The following SYT1 variants were observed in gnomAD, a reference collection of about 807,000 sequenced individuals.
SYT1 encodes synaptotagmin-1.
In SYT1, 8 loss-of-function variants were observed where a neutral mutation model predicts 44.8. The observed-to-expected ratio is 0.18, with a 90% CI of 0.10 to 0.32. The LOEUF (loss-of-function observed/expected upper bound fraction) is 0.32, where lower values mean the gene tolerates loss of function less well. SYT1 is among the 10% of genes least tolerant of loss of function. The pLI is 1.00. For synonymous variants in SYT1, 154 were observed against 188.8 expected, an observed-to-expected ratio of 0.82 and a Z score of 1.51; for missense variants, 286 against 509.3, an observed-to-expected ratio of 0.56 and a Z score of 4.22.
intron 2 of SYT1, among the ~76,000 whole-genome samples, chr12:79,026,672 TA>T (rs1565769657): frequency 4.0e-5 from 3 of 74,294 alleles, no homozygotes; most frequent in African/African-American, 9.9e-5. Context: ...ATATTTTATA[TA>T]TATATATATA....
intron 3 of SYT1, among the ~76,000 whole-genome samples, chr12:79,054,544 A>G (rs553051553): frequency 6.6e-6 from 1 of 151,994 alleles, no homozygotes; most frequent in Admixed American, 6.6e-5. Context: ...TTAGATTTTT[A>G]TACATGCTAC....
chr12:79,008,860 A>G (rs755172650), intron 2 of SYT1, among the ~76,000 whole-genome samples: 5 of 152,270 alleles, frequency 3.3e-5, no homozygotes, highest in Non-Finnish European at 5.9e-5. Context: ...CTTGAAGTAC[A>G]CAGCAGGGGA....
intron 3 of SYT1, among the ~76,000 whole-genome samples, chr12:79,171,457 G>C (rs1871517689): frequency 6.6e-6 from 1 of 151,928 alleles, no homozygotes; most frequent in Admixed American, 6.6e-5. Flanking sequence ...TGTGGCAAGA[G>C]TAGAAATATT....
chr12:79,187,803 G>A (rs1046026680), intron 3 of SYT1, among the ~76,000 whole-genome samples: 3 of 152,046 alleles, frequency 2.0e-5, no homozygotes, highest in African/African-American at 4.8e-5. Flanking sequence ...TAGCAATCTC[G>A]CTGATATGTT....
chr12:79,064,649 T>C (rs1265010280), intron 3 of SYT1, among the ~76,000 whole-genome samples: 1 of 152,066 alleles, frequency 6.6e-6, no homozygotes, highest in Non-Finnish European at 1.5e-5. Context: ...ACCACCTACA[T>C]ATTACCATAT....
At chr12:79,288,075 C>T (rs1879398810) in intron 5 of SYT1, among the ~76,000 whole-genome samples, 1 of 152,082 alleles carries the variant, frequency 6.6e-6, no homozygotes, top group Non-Finnish European at 1.5e-5. Flanking sequence ...GATGAATATA[C>T]ACTCCAGGGA....
At chr12:78,893,018 G>C (rs1261520495) in intron 1 of SYT1, among the ~76,000 whole-genome samples, 1 of 151,798 alleles carries the variant, frequency 6.6e-6, no homozygotes, top group Non-Finnish European at 1.5e-5. Context: ...TTGATCTACT[G>C]CTGGCCTTTG....
intron 4 of SYT1, among the ~76,000 whole-genome samples, chr12:79,224,748 TTTTTTATTATTATTA>T (rs1168025054): frequency 2.5e-3 from 53 of 20,826 alleles, no homozygotes; most frequent in East Asian, 0.019. Flanking sequence ...TATTTATTTA[TTTTTTATTATTATTA>T]TTATTATTAT....
At chr12:79,025,823 AT>A (rs1335563864) in intron 2 of SYT1, among the ~76,000 whole-genome samples, 1 of 151,554 alleles carries the variant, frequency 6.6e-6, no homozygotes, top group African/African-American at 2.4e-5. Flanking sequence ...AATACCAGAC[AT>A]TGTAACTGTA....
chr12:79,327,994 G>T (rs530952600), intron 8 of SYT1, among the ~76,000 whole-genome samples: 1 of 152,258 alleles, frequency 6.6e-6, no homozygotes, highest in East Asian at 1.9e-4. Context: ...GAAGGTGGGA[G>T]TTAACATTTT....
At position 79,285,078 on chromosome 12, in the gene SYT1, C is replaced by T. The variant is rs569337150; in HGVS notation, c.167-709C>T. On this transcript the variant is annotated intron_variant, in intron 4 of 10. Transcript: ENST00000261205. ...AATCTAAACCTGGGTTAAGAGCCAC[C>T]GAACACATGAGCATCACCCACATCT... 1.1e-4 allele frequency among the ~76,000 whole-genome samples: 17 copies of T among 152,190 alleles called. No individual in the cohort carries two copies. In the East Asian group the frequency reaches 2.7e-3, roughly 24 times the overall value.
chr12:78,896,183 G>T (rs1875347141), intron 1 of SYT1, among the ~76,000 whole-genome samples: 1 of 151,608 alleles, frequency 6.6e-6, no homozygotes, highest in Non-Finnish European at 1.5e-5. Flanking sequence ...AGTTTGAACT[G>T]TATTATTCTT....
At chr12:79,327,569 G>C (rs1217735674) in intron 8 of SYT1, among the ~76,000 whole-genome samples, 1 of 152,060 alleles carries the variant, frequency 6.6e-6, no homozygotes, top group Non-Finnish European at 1.5e-5. Flanking sequence ...AAATCAAAAG[G>C]CACCAGCAAA....
chr12:78,867,020 G>A lies in SYT1; in HGVS notation c.-217+1911G>A, dbSNP rs572230610. On this transcript the variant is annotated intron_variant, in intron 1 of 10. Transcript: ENST00000261205. ...TCCCTAAATAGAATTACCAAGTCAC[G>A]AAAAACGATTTTCTTTCTAGGGCTT... Among the ~76,000 whole-genome samples the A allele has an allele frequency of 2.7e-4, 40 of 147,786 alleles. 1 individual carries two copies. The highest frequency in any genetic ancestry group is 2.3e-3 in the South Asian group (11 of 4,708).
At chr12:79,098,959 C>G (rs913931457) in intron 3 of SYT1, among the ~76,000 whole-genome samples, 2 of 152,122 alleles carry the variant, frequency 1.3e-5, no homozygotes, top group African/African-American at 2.4e-5. Context: ...AGCTTTACTG[C>G]TGCCACTCAA....
intron 2 of SYT1, among the ~76,000 whole-genome samples, chr12:79,012,131 CAA>C (rs374383589): frequency 5.9e-4 from 43 of 73,434 alleles, no homozygotes; most frequent in Non-Finnish European, 5.2e-4. Flanking sequence ...GATTCTGTCT[CAA>C]AAAAAAAAAA....
intron 9 of SYT1, among the ~76,000 whole-genome samples, chr12:79,389,732 T>G (rs546851283): frequency 2.6e-4 from 39 of 152,270 alleles, no homozygotes; most frequent in Non-Finnish European, 5.0e-4. Context: ...GTTGAGGAGA[T>G]TCAACTCTCA....
intron 8 of SYT1, among the ~76,000 whole-genome samples, chr12:79,311,761 C>A (rs554515978): frequency 2.1e-5 from 3 of 145,946 alleles, no homozygotes; most frequent in African/African-American, 5.1e-5. Context: ...AGTAAACTAT[C>A]GCAAGGACAA....
intron 8 of SYT1, among the ~76,000 whole-genome samples, chr12:79,348,980 GAAGA>G (rs1251569658): frequency 6.6e-5 from 8 of 121,196 alleles, no homozygotes; most frequent in South Asian, 2.7e-4. Flanking sequence ...AAAGAAAGAG[GAAGA>G]AAGAAAGAGA....
Sources: gnomAD v4.1 joint callset for allele counts (sites outside exome capture counted in the v4.1 genomes callset) on GRCh38, gnomAD v4.1.1 for gene constraint, MANE v1.5 for transcripts, NCBI Gene and HGNC (gene_info 2026-07-23, HGNC 2026-07-21) for gene names.